Variants in BEND7 observed in about 807,000 individuals in gnomAD.
The protein encoded by BEND7 is BEN domain containing 7, also known as BEN domain-containing protein 7.
In BEND7, 28 loss-of-function variants were observed where a neutral mutation model predicts 50.9. That is an observed-to-expected ratio of 0.55 (90% CI 0.41 to 0.75). BEND7 has a LOEUF of 0.75. Ranked by LOEUF, BEND7 falls within the 30% of genes least tolerant of loss-of-function variation. The pLI, the probability that BEND7 is intolerant of heterozygous loss-of-function variation, is 0.00. For missense variants in BEND7, 477 were observed against 491.3 expected (o/e 0.97, Z 0.28); for synonymous variants, 170 against 183.9 (o/e 0.92, Z 0.61).
intron 6 of BEND7, among the ~76,000 whole-genome samples, chr10:13,465,466 C>A (rs138095871): frequency 6.6e-6 from 1 of 152,082 alleles, no homozygotes; most frequent in Admixed American, 6.6e-5. Context: ...AAAAGCTGGC[C>A]GTGAGGACCA....
At chr10:13,525,874 A>G (rs1333254684) in intron 2 of BEND7, among the ~76,000 whole-genome samples, 1 of 152,190 alleles carries the variant, frequency 6.6e-6, no homozygotes, top group Non-Finnish European at 1.5e-5. Context: ...GAGCCACAAA[A>G]CTGCACAGTC....
At chr10:13,487,384 TTTTC>T (rs201385957) in intron 5 of BEND7, among the ~76,000 whole-genome samples, 15 of 23,640 alleles carry the variant, frequency 6.3e-4, no homozygotes, top group South Asian at 2.9e-3. Flanking sequence ...TTTTCTTTTC[TTTTC>T]TTTTTTTTTT....
chr10:13,525,506 G>A (rs1041972454), intron 2 of BEND7, among the ~76,000 whole-genome samples: 1 of 152,198 alleles, frequency 6.6e-6, no homozygotes, highest in South Asian at 2.1e-4. Context: ...GTCCCAAAAT[G>A]CTGGTGTGAA....
At chr10:13,451,443 T>C (rs1382239820) in intron 7 of BEND7, among the ~76,000 whole-genome samples, 1 of 151,572 alleles carries the variant, frequency 6.6e-6, no homozygotes, top group Non-Finnish European at 1.5e-5. Context: ...CTGGAGATGT[T>C]GCCCAGGCTG....
chr10:13,516,192 CTG>C (rs1198754278), intron 2 of BEND7, among the ~76,000 whole-genome samples: 2 of 152,192 alleles, frequency 1.3e-5, no homozygotes, highest in Non-Finnish European at 2.9e-5. Context: ...GGAATTCAAA[CTG>C]AGACTGGAAG....
intron 5 of BEND7, among the ~76,000 whole-genome samples, chr10:13,490,387 G>A (rs778900215): frequency 4.6e-5 from 7 of 152,124 alleles, no homozygotes; most frequent in Non-Finnish European, 5.9e-5. Context: ...CTTGCTCTCC[G>A]CGTCTCAGTT....
At chr10:13,507,317 C>G (rs780003260) in intron 2 of BEND7, among the ~76,000 whole-genome samples, 1 of 152,150 alleles carries the variant, frequency 6.6e-6, no homozygotes, top group Admixed American at 6.5e-5. Flanking sequence ...TCTCTCTCCC[C>G]GCGCCAGTCT....
At chr10:13,520,713 G>A (rs1372823834) in intron 2 of BEND7, among the ~76,000 whole-genome samples, 3 of 152,156 alleles carry the variant, frequency 2.0e-5, no homozygotes, top group Non-Finnish European at 4.4e-5. Flanking sequence ...TCCCTGAGTT[G>A]AGGTTCCCAT....
chr10:13,446,043 G>C (rs769555469), intron 8 of BEND7: 1 of 152,228 alleles, frequency 6.6e-6, no homozygotes, highest in Non-Finnish European at 1.5e-5. Context: ...CAGAGATCAC[G>C]TATTTCAATT....
At chr10:13,499,352 G>C (rs538620566) in intron 3 of BEND7, among the ~76,000 whole-genome samples, 1 of 151,852 alleles carries the variant, frequency 6.6e-6, no homozygotes, top group South Asian at 2.1e-4. Context: ...CTTTATCTGG[G>C]ACTCTTCTGA....
At chr10:13,479,877 A>G (rs983310036) in intron 6 of BEND7, among the ~76,000 whole-genome samples, 1 of 152,224 alleles carries the variant, frequency 6.6e-6, no homozygotes, top group African/African-American at 2.4e-5. Flanking sequence ...ATTATTTTAT[A>G]AAGTTAATTG....
chr10:13,439,741 C>T (rs1835100077), downstream of BEND7, among the ~76,000 whole-genome samples: 1 of 152,182 alleles, frequency 6.6e-6, no homozygotes, highest in Non-Finnish European at 1.5e-5. Flanking sequence ...GATCCCTTGT[C>T]TTCAGCCCGC....
rs117827336 is a variant in BEND7, at chr10:13,490,993, C to T, written c.837+1618G>A. Among the ~76,000 whole-genome samples, 462 of 152,094 alleles carry T rather than the reference C, an allele frequency of 3.0e-3. 1 individual carries two copies. The highest frequency in any genetic ancestry group is 5.3e-3 in the Non-Finnish European group (362 of 67,972). On this transcript the variant is annotated intron_variant, in intron 5 of 8. Transcript: ENST00000466271. ...TAATTTTTGTATTTTTAGTAGAGAACGGGTTTTCCCATGTTGGCCAGGCTG... is the reference window on the plus strand; with the variant it reads ...TAATTTTTGTATTTTTAGTAGAGAATGGGTTTTCCCATGTTGGCCAGGCTG...
chr10:13,442,529 C>T (rs1311697867), intron 8 of BEND7: 1 of 151,950 alleles, frequency 6.6e-6, no homozygotes, highest in East Asian at 1.9e-4. Flanking sequence ...TAAAATAAAT[C>T]CAGATTTTCA....
intron 5 of BEND7, among the ~76,000 whole-genome samples, chr10:13,485,182 T>C (rs2076134681): frequency 6.6e-6 from 1 of 152,080 alleles, no homozygotes; most frequent in Non-Finnish European, 1.5e-5. Context: ...AGTAAGACAA[T>C]TTTTAGGAGA....
intron 6 of BEND7, among the ~76,000 whole-genome samples, chr10:13,479,093 G>A (rs10906387): frequency 0.51 from 76,805 of 149,910 alleles, 20,906 homozygotes; most frequent in East Asian, 0.75. Context: ...TGCAGCCTCC[G>A]CCTCCCAGGT....
chr10:13,513,185 TATC>T (rs2078410156), intron 2 of BEND7, among the ~76,000 whole-genome samples: 1 of 152,190 alleles, frequency 6.6e-6, no homozygotes, highest in Non-Finnish European at 1.5e-5. Flanking sequence ...ACTAAATTGA[TATC>T]ATGACCTACT....
intron 6 of BEND7, among the ~76,000 whole-genome samples, chr10:13,466,228 A>ATTT (rs376860540): frequency 1.3e-4 from 18 of 140,568 alleles, no homozygotes; most frequent in African/African-American, 4.4e-4. Flanking sequence ...CGTTGAATCC[A>ATTT]TTTTTTTTTT....
chr10:13,488,421 G>A (rs1433149541), intron 5 of BEND7, among the ~76,000 whole-genome samples: 1 of 152,110 alleles, frequency 6.6e-6, no homozygotes, highest in Admixed American at 6.6e-5. Flanking sequence ...ATTAACAACT[G>A]TCTTCTCTCA....
Sources: gnomAD v4.1 joint callset for allele counts (sites outside exome capture counted in the v4.1 genomes callset) on GRCh38, gnomAD v4.1.1 for gene constraint, MANE v1.5 for transcripts, NCBI Gene and HGNC (gene_info 2026-07-23, HGNC 2026-07-21) for gene names.